CRYBG3: variants seen among roughly 807,000 people sequenced by gnomAD.
The protein encoded by CRYBG3 is very large A-kinase anchor protein.
In CRYBG3, 127 loss-of-function variants were observed where a neutral mutation model predicts 244.2. The observed-to-expected ratio is 0.52, with a 90% confidence interval of 0.45 to 0.60. The LOEUF (loss-of-function observed/expected upper bound fraction) is 0.60. CRYBG3 is among the 20% of genes least tolerant of loss of function. CRYBG3 has a pLI of 0.00. For missense variants in CRYBG3, 3,325 were observed against 3,442.5 expected, an observed-to-expected ratio of 0.97 and a Z score of 0.85; for synonymous variants, 1,132 against 1,195.8, an observed-to-expected ratio of 0.95 and a Z score of 1.10.
At chr3:97,907,352 TTC>T (rs1273168931) in intron 15 of CRYBG3, among the ~76,000 whole-genome samples, 1 of 152,154 alleles carries the variant, frequency 6.6e-6, no homozygotes, top group Non-Finnish European at 1.5e-5. Context: ...TCTGGTAGAA[TTC>T]GGCTGTGAAT....
At chr3:97,896,132 G>A (rs766084452) in intron 12 of CRYBG3, 47 bp downstream of exon 12, 1 of 1,551,318 alleles carries the variant, frequency 6.4e-7, no homozygotes, top group Admixed American at 2.0e-5. Context: ...TAAAAAATCT[G>A]TTCACAAAAA....
intron 11 of CRYBG3, among the ~76,000 whole-genome samples, chr3:97,893,902 A>G (rs1050191891): frequency 3.3e-5 from 5 of 152,232 alleles, no homozygotes; most frequent in African/African-American, 1.2e-4. Context: ...TTCCGGCAGT[A>G]AATTAAGTAA....
In CRYBG3 at chr3:97,875,593, G is replaced by C; in HGVS notation, c.4399G>C (p.Glu1467Gln). Residue 1467 changes from glutamate (E) to glutamine (Q), a missense_variant, in exon 4 of 22, where the codon GAG (glutamate) becomes CAG (glutamine). Glu to Gln is a conservative substitution (Grantham distance 29). Around this residue, in one of 4 missense-constraint regions of CRYBG3, gnomAD observed 635 missense variants for 771.7 expected, o/e 0.82. Coordinates refer to ENST00000389622, the MANE Select transcript of CRYBG3 (RefSeq NM_153605.4). ...ENVDNNKTETEDRRTLVLNFK... is the reference protein window; with the variant it reads ...ENVDNNKTETQDRRTLVLNFK... ...TGTGGATAATAACAAAACTGAGACAGAGGACAGAAGAACTCTTGTATTAAA... is the reference window on the plus strand; with the variant it reads ...TGTGGATAATAACAAAACTGAGACACAGGACAGAAGAACTCTTGTATTAAA... The C allele has an allele frequency of 8.1e-7, 1 of 1,237,198 alleles. No individual in the cohort carries two copies. Among genetic ancestry groups the C allele is most frequent in the Non-Finnish European group, 1.0e-6 (1 of 991,650 alleles). 76.6% of individuals were successfully genotyped at this position (1,237,198 alleles called of 1,614,324 possible).
At position 97,920,544 on chromosome 3, in the gene CRYBG3, T is replaced by G. The variant is rs550877958; in HGVS notation, c.8241+4808T>G. ...CATCATTACCCCCCTCCCCCCACTT[T>G]TTTTAGATAGAGTCTGGCTCTGTCA... is the stretch of plus-strand genomic sequence containing the variant. On this transcript the variant is annotated intron_variant, in intron 17 of 21. Transcript: ENST00000389622. Among the ~76,000 whole-genome samples, 10 of 150,178 alleles carry G rather than the reference T, an allele frequency of 6.7e-5. No individual in the cohort carries two copies. The South Asian group carries it at 1.8e-3, about 27-fold the overall frequency.
intron 15 of CRYBG3, among the ~76,000 whole-genome samples, chr3:97,909,449 T>G (rs1280363052): frequency 1.3e-5 from 2 of 150,086 alleles, no homozygotes; most frequent in Non-Finnish European, 3.0e-5. Flanking sequence ...GCTCATTTCT[T>G]TTTATTCTTT....
At chr3:97,863,993 T>G (rs2039188538) in intron 2 of CRYBG3, among the ~76,000 whole-genome samples, 2 of 152,174 alleles carry the variant, frequency 1.3e-5, no homozygotes, top group African/African-American at 4.8e-5. Context: ...TGGGCTCCCA[T>G]GTGTGCAGTA....
chr3:97,928,379 G>A (rs1450811701), intron 17 of CRYBG3, among the ~76,000 whole-genome samples: 1 of 151,894 alleles, frequency 6.6e-6, no homozygotes, highest in Non-Finnish European at 1.5e-5. Flanking sequence ...ACTATGAAGG[G>A]AACAATAAAC....
chr3:97,891,817 G>A (rs571938186), intron 10 of CRYBG3, among the ~76,000 whole-genome samples: 22 of 152,148 alleles, frequency 1.4e-4, no homozygotes, highest in Non-Finnish European at 2.9e-4. Context: ...GAGCATTGCC[G>A]TGGTAGAGAA....
intron 17 of CRYBG3, chr3:97,933,210 C>A (rs1293716391): frequency 2.4e-6 from 1 of 413,260 alleles, no homozygotes; most frequent in East Asian, 7.2e-5. Context: ...TGCATTTCAG[C>A]TTTTTTTAAA....
chr3:97,873,944 A>G lies in CRYBG3; in HGVS notation c.2750A>G (p.Lys917Arg). Residue 917 changes from lysine to arginine, a missense_variant, in exon 4 of 22, where the codon AAA (lysine) becomes AGA (arginine). Transcript: ENST00000389622. ...CQAELSPAASKYEDKPEPEVD... is the reference protein window; with the variant it reads ...CQAELSPAASRYEDKPEPEVD... ...GCTGAGCTTTCTCCTGCTGCCTCCA[A>G]ATATGAAGATAAGCCAGAACCAGAG... 1.3e-6 allele frequency: 2 copies of G among 1,535,712 alleles called. No individual in the cohort carries two copies. Among genetic ancestry groups the G allele is most frequent in the South Asian group, 2.4e-5 (2 of 83,962 alleles).
At chr3:97,843,822 T>C (rs2038857568) in intron 2 of CRYBG3, among the ~76,000 whole-genome samples, 1 of 152,198 alleles carries the variant, frequency 6.6e-6, no homozygotes, top group African/African-American at 2.4e-5. Context: ...TGAAAATCAC[T>C]AAACCTTTTG....
intron 2 of CRYBG3, among the ~76,000 whole-genome samples, chr3:97,844,432 G>A (rs908496882): frequency 3.9e-5 from 6 of 152,156 alleles, no homozygotes; most frequent in African/African-American, 1.4e-4. Flanking sequence ...TTGCCCTTGT[G>A]TTGTTTCATA....
chr3:97,868,003 G>A (rs2039255346), intron 3 of CRYBG3, among the ~76,000 whole-genome samples: 1 of 152,178 alleles, frequency 6.6e-6, no homozygotes, highest in Non-Finnish European at 1.5e-5. Flanking sequence ...TTAATTTGTT[G>A]GGCACGGCGG....
intron 10 of CRYBG3, among the ~76,000 whole-genome samples, chr3:97,891,530 A>G (rs1297096878): frequency 6.6e-6 from 1 of 152,174 alleles, no homozygotes; most frequent in Admixed American, 6.6e-5. Flanking sequence ...GTTATTTTTC[A>G]TCATAAGCTT....
chr3:97,829,007 G>A (rs2038617269), intron 1 of CRYBG3, among the ~76,000 whole-genome samples: 2 of 151,946 alleles, frequency 1.3e-5, no homozygotes, highest in Admixed American at 6.6e-5. Context: ...AGGGATGAGA[G>A]GCAGGAGAAA....
At chr3:97,935,849 C>T (rs1300869302) in intron 18 of CRYBG3, among the ~76,000 whole-genome samples, 1 of 151,978 alleles carries the variant, frequency 6.6e-6, no homozygotes, top group African/African-American at 2.4e-5. Context: ...TCCCTTGGTG[C>T]AAGCCAGGAC....
At chr3:97,910,066 CA>C (rs1263423554) in intron 15 of CRYBG3, among the ~76,000 whole-genome samples, 1 of 151,754 alleles carries the variant, frequency 6.6e-6, no homozygotes, top group Non-Finnish European at 1.5e-5. Flanking sequence ...GCTCAGGGGT[CA>C]GGGGTCAGGG....
chr3:97,895,517 C>A (rs987949598), intron 11 of CRYBG3, among the ~76,000 whole-genome samples: 1 of 152,084 alleles, frequency 6.6e-6, no homozygotes, highest in Admixed American at 6.6e-5. Flanking sequence ...TTATTTAAAC[C>A]CTGAATCAAT....
intron 1 of CRYBG3, among the ~76,000 whole-genome samples, chr3:97,832,985 T>C (rs2038675642): frequency 6.6e-6 from 1 of 152,134 alleles, no homozygotes; most frequent in African/African-American, 2.4e-5. Flanking sequence ...CACTGGTCAT[T>C]AGAGAAATGC....
Sources: gnomAD v4.1 joint callset for allele counts (sites outside exome capture counted in the v4.1 genomes callset) on GRCh38, gnomAD v4.1.1 for gene constraint, gnomAD v4.1.1 regional missense constraint, MANE v1.5 for transcripts, NCBI Gene and HGNC (gene_info 2026-07-23, HGNC 2026-07-21) for gene names.